The following TESK2 variants were observed in gnomAD, a reference collection of about 807,000 sequenced individuals.
TESK2 encodes dual specificity testis-specific protein kinase 2.
In TESK2, 39 loss-of-function variants were observed where a neutral mutation model predicts 57.1. That is an observed-to-expected ratio of 0.68 (90% CI 0.53 to 0.89). The LOEUF is 0.89. TESK2 is among the 40% of genes least tolerant of loss of function. The pLI is 0.00. For missense variants in TESK2, 646 were observed against 732.1 expected (o/e 0.88, Z 1.36); for synonymous variants, 249 against 267.9 (o/e 0.93, Z 0.69).
chr1:45,371,999 C>T (rs1482022545), intron 4 of TESK2, among the ~76,000 whole-genome samples: 1 of 151,652 alleles, frequency 6.6e-6, no homozygotes, highest in Non-Finnish European at 1.5e-5. Context: ...CTTCTATACT[C>T]CCAGCACTTT....
At chr1:45,456,366 A>G (rs2149299522) in intron 2 of TESK2, among the ~76,000 whole-genome samples, 1 of 152,046 alleles carries the variant, frequency 6.6e-6, no homozygotes, top group East Asian at 1.9e-4. Context: ...TAAAAATACA[A>G]AAATTAGCCA....
intron 2 of TESK2, among the ~76,000 whole-genome samples, chr1:45,432,375 C>T (rs568551418): frequency 4.0e-5 from 6 of 151,898 alleles, no homozygotes; most frequent in South Asian, 2.1e-4. Context: ...ATTTCAAGTC[C>T]GCTCTTCTAC....
chr1:45,396,119 A>T (rs961198137), intron 3 of TESK2, among the ~76,000 whole-genome samples: 40 of 150,584 alleles, frequency 2.7e-4, no homozygotes, highest in Admixed American at 2.2e-3. Flanking sequence ...ATTTTTATTT[A>T]TTTTTATTTT....
intron 1 of TESK2, among the ~76,000 whole-genome samples, chr1:45,470,915 T>C (rs547736078): frequency 5.5e-4 from 84 of 152,260 alleles, no homozygotes; most frequent in African/African-American, 1.9e-3. Flanking sequence ...ATTAAGGAAT[T>C]AACTTGCCCA....
chr1:45,416,229 C>T (rs1458998682), intron 3 of TESK2, among the ~76,000 whole-genome samples: 2 of 151,332 alleles, frequency 1.3e-5, no homozygotes, highest in African/African-American at 2.4e-5. Context: ...GCTACAGGCG[C>T]ACACCACCAT....
At chr1:45,484,767 C>G (rs1448419464) in intron 1 of TESK2, among the ~76,000 whole-genome samples, 2 of 147,530 alleles carry the variant, frequency 1.4e-5, no homozygotes, top group South Asian at 2.1e-4. Context: ...CGCGGTGGCC[C>G]AAGTCTGTAA....
intron 4 of TESK2, among the ~76,000 whole-genome samples, chr1:45,363,603 C>T (rs1047339596): frequency 6.6e-6 from 1 of 152,194 alleles, no homozygotes; most frequent in African/African-American, 2.4e-5. Flanking sequence ...GGCTAATATT[C>T]ACTCATTGTT....
chr1:45,391,461 T>C (rs1029979143), intron 3 of TESK2, among the ~76,000 whole-genome samples: 4 of 152,128 alleles, frequency 2.6e-5, no homozygotes, highest in Non-Finnish European at 1.5e-5. Flanking sequence ...CAAGCAATCC[T>C]CCTGCATTGG....
intron 2 of TESK2, among the ~76,000 whole-genome samples, chr1:45,424,605 GT>G (rs1650612626): frequency 1.3e-5 from 2 of 152,190 alleles, no homozygotes; most frequent in South Asian, 4.1e-4. Flanking sequence ...AGACATCTGT[GT>G]TTTAATAAGG....
At chr1:45,435,077 C>T (rs968103845) in intron 2 of TESK2, among the ~76,000 whole-genome samples, 24 of 151,778 alleles carry the variant, frequency 1.6e-4, no homozygotes, top group Non-Finnish European at 2.2e-4. Context: ...AATCCTCCCA[C>T]TTCAGCCTCC....
intron 3 of TESK2, among the ~76,000 whole-genome samples, chr1:45,407,503 GT>G (rs1254621000): frequency 6.6e-6 from 1 of 152,078 alleles, no homozygotes; most frequent in Admixed American, 6.6e-5. Flanking sequence ...GTTTGGTTGT[GT>G]CCCACCCAAA....
rs983255317 is a variant in TESK2, at chr1:45,480,183, G to A, written c.-87+10669C>T. Among the ~76,000 whole-genome samples, 13 of 151,656 alleles carry A rather than the reference G, an allele frequency of 8.6e-5. No homozygotes were observed. In the South Asian group the frequency reaches 1.7e-3, roughly 19 times the overall value. On this transcript the variant is annotated intron_variant, in intron 1 of 10. Coordinates refer to ENST00000372086, the MANE Select transcript of TESK2 (RefSeq NM_007170.3). ...GCTATAAAAGAAAAGACTGAGGGCC[G>A]GGCATGGTGGCTCACACCTGTAATC...
chr1:45,471,512 T>C (rs1186051846), intron 1 of TESK2, among the ~76,000 whole-genome samples: 5 of 151,732 alleles, frequency 3.3e-5, no homozygotes, highest in African/African-American at 1.2e-4. Context: ...TTCAAGCGAT[T>C]CTCCTGCCTC....
chr1:45,355,707 CA>C (rs1203748478), intron 4 of TESK2, among the ~76,000 whole-genome samples: 1 of 152,050 alleles, frequency 6.6e-6, no homozygotes, highest in Non-Finnish European at 1.5e-5. Context: ...GCAGGTAGGA[CA>C]ACACCATGCA....
intron 3 of TESK2, among the ~76,000 whole-genome samples, chr1:45,420,735 C>A (rs1650438042): frequency 6.6e-6 from 1 of 151,468 alleles, no homozygotes; most frequent in Non-Finnish European, 1.5e-5. Context: ...TAGGCACGTG[C>A]CACCACGCCC....
intron 1 of TESK2, among the ~76,000 whole-genome samples, chr1:45,482,561 T>A (rs1653271324): frequency 6.7e-6 from 1 of 149,026 alleles, no homozygotes; most frequent in African/African-American, 2.5e-5. Flanking sequence ...GCTTGATATG[T>A]ACCACAGATT....
intron 3 of TESK2, among the ~76,000 whole-genome samples, chr1:45,420,253 T>G (rs1358975784): frequency 6.6e-6 from 1 of 152,132 alleles, no homozygotes; most frequent in Non-Finnish European, 1.5e-5. Flanking sequence ...ATCATTTTTG[T>G]TTTTAATATA....
intron 2 of TESK2, among the ~76,000 whole-genome samples, chr1:45,453,341 CAAAAA>C (rs560016914): frequency 1.8e-3 from 95 of 53,158 alleles, no homozygotes; most frequent in African/African-American, 5.2e-3. Flanking sequence ...GACCCTGTCT[CAAAAA>C]AAAAAAAAAA....
chr1:45,375,423 C>CA (rs1648362231), intron 4 of TESK2, among the ~76,000 whole-genome samples: 1 of 135,582 alleles, frequency 7.4e-6, no homozygotes, highest in African/African-American at 2.8e-5. Context: ...TTCCTTCACC[C>CA]TTTTTTTTTT....
Sources: gnomAD v4.1 joint callset for allele counts (sites outside exome capture counted in the v4.1 genomes callset) on GRCh38, gnomAD v4.1.1 for gene constraint, MANE v1.5 for transcripts, NCBI Gene and HGNC (gene_info 2026-07-23, HGNC 2026-07-21) for gene names.